Variants in RBL1 observed in about 807,000 individuals in gnomAD.
RBL1 encodes RB transcriptional corepressor like 1.
In RBL1, 82 loss-of-function variants were observed where a neutral mutation model predicts 123.0. The observed-to-expected ratio is 0.67, with a 90% CI of 0.56 to 0.80. The LOEUF is 0.80. RBL1 is among the 30% of genes least tolerant of loss of function. RBL1 has a pLI of 0.00. For synonymous variants in RBL1, 405 were observed against 441.3 expected (o/e 0.92, Z 1.03); for missense variants, 1,171 against 1,299.6 (o/e 0.90, Z 1.52).
Position 37,047,096 on chromosome 20 carries a change from C to T in RBL1, c.1562G>A (p.Trp521Ter). ...TTGCAAGTTGAGAACTTCAATAATCCAAGGAAAAGTACGAGGTGAGCTATA... is the reference window on the plus strand; with the variant it reads ...TTGCAAGTTGAGAACTTCAATAATCTAAGGAAAAGTACGAGGTGAGCTATA... ...FAYSSPRTFP[W>*]IIEVLNLQPF... The change falls in exon 12 of 22, where the codon TGG becomes TAG. Residue 521 changes from tryptophan to a stop codon, truncating the protein, a stop_gained. Coordinates refer to ENST00000373664, the MANE Select transcript of RBL1 (RefSeq NM_002895.5). LOFTEE classifies it high-confidence loss of function. The T allele has an allele frequency of 6.3e-7, 1 of 1,597,286 alleles. No homozygotes were observed. The highest frequency in any genetic ancestry group is 8.5e-7 in the Non-Finnish European group (1 of 1,176,326).
At chr20:37,062,018 G>T in intron 8 of RBL1, 66 bp downstream of exon 8, 1 of 1,418,590 alleles carries the variant, frequency 7.0e-7, no homozygotes. Context: ...TGCTTCTGCT[G>T]TTAGTAGAAT....
At chr20:37,000,504 C>A (rs559001806) in intron 21 of RBL1, among the ~76,000 whole-genome samples, 46 of 134,294 alleles carry the variant, frequency 3.4e-4, no homozygotes, top group South Asian at 2.0e-3. Flanking sequence ...CCGCCCCGTC[C>A]GGGAGGTGAG....
chr20:37,011,833 A>C (rs939394659), intron 19 of RBL1, among the ~76,000 whole-genome samples: 1 of 152,214 alleles, frequency 6.6e-6, no homozygotes, highest in Non-Finnish European at 1.5e-5. Flanking sequence ...ATTTAAGATA[A>C]GCAGATTGGT....
At chr20:37,063,852 T>C (rs1265631938) in intron 7 of RBL1, among the ~76,000 whole-genome samples, 1 of 149,570 alleles carries the variant, frequency 6.7e-6, no homozygotes, top group Non-Finnish European at 1.5e-5. Flanking sequence ...AAATAGGGTC[T>C]CACTCCGTCA....
chr20:37,094,439 T>C (rs981202137), intron 1 of RBL1, among the ~76,000 whole-genome samples: 1 of 152,178 alleles, frequency 6.6e-6, no homozygotes. Flanking sequence ...CCTTCATATA[T>C]AGGCACACAT....
chr20:37,007,376 C>T, intron 20 of RBL1, 35 bp downstream of exon 20: 1 of 1,593,408 alleles, frequency 6.3e-7, no homozygotes, highest in South Asian at 1.1e-5. Context: ...ACTATGACAG[C>T]AAATAATAAT....
At chr20:37,070,111 T>C (rs1388345334) in intron 2 of RBL1, among the ~76,000 whole-genome samples, 1 of 152,200 alleles carries the variant, frequency 6.6e-6, no homozygotes, top group Non-Finnish European at 1.5e-5. Context: ...GACTTTTCAT[T>C]TTGTTCTGTA....
At chr20:37,032,403 C>A (rs2064527442) in intron 16 of RBL1, among the ~76,000 whole-genome samples, 1 of 151,842 alleles carries the variant, frequency 6.6e-6, no homozygotes, top group Non-Finnish European at 1.5e-5. Flanking sequence ...ATAGTAGTTG[C>A]CAGAAGCTGG....
In RBL1 at chr20:37,062,324, T is replaced by C. The variant is rs538189506; in HGVS notation, c.897-54A>G. 1.5e-4 allele frequency: 228 copies of C among 1,570,626 alleles called. 1 individual carries two copies. The South Asian group carries it at 2.5e-3, about 18-fold the overall frequency. ...TACTAAGTTACACAATGGATTTATT[T>C]TGACTTGAAGATAGATTTAGTGTTT... is the stretch of plus-strand genomic sequence containing the variant. On this transcript the variant is annotated intron_variant, in intron 7 of 21. Transcript: ENST00000373664.
intron 19 of RBL1, among the ~76,000 whole-genome samples, chr20:37,011,967 A>G (rs192746809): frequency 6.6e-6 from 1 of 151,882 alleles, no homozygotes; most frequent in Non-Finnish European, 1.5e-5. Context: ...GCTCACTGCA[A>G]CCTCCCTGCC....
At chr20:37,074,416 A>G (rs965216370) in intron 2 of RBL1, among the ~76,000 whole-genome samples, 1 of 129,230 alleles carries the variant, frequency 7.7e-6, no homozygotes. Context: ...CCTGTCTCAG[A>G]AAAAAAAAAA....
At chr20:37,061,356 A>G (rs1259089858) in intron 8 of RBL1, 87 bp from the exon 9 acceptor site, 10 of 1,449,286 alleles carry the variant, frequency 6.9e-6, no homozygotes, top group Non-Finnish European at 4.6e-6. Context: ...CATCTTCTCT[A>G]TTCATATTTG....
chr20:37,062,780 C>G (rs1428648196), intron 7 of RBL1, among the ~76,000 whole-genome samples: 1 of 151,142 alleles, frequency 6.6e-6, no homozygotes, highest in Non-Finnish European at 1.5e-5. Flanking sequence ...ACGGTGAAAC[C>G]CCATCTCTAC....
chr20:37,061,183 G>A lies in RBL1; in HGVS notation c.1170C>T (p.Ala390=), dbSNP rs142836761. 2.5e-6 allele frequency: 4 copies of A among 1,613,876 alleles called. No individual in the cohort carries two copies. The highest frequency in any genetic ancestry group is 3.4e-6 in the Non-Finnish European group (4 of 1,179,946). The change falls in exon 9 of 22, where the codon GCC becomes GCT. Residue 390 remains alanine (A), a synonymous_variant. Coordinates refer to ENST00000373664, the MANE Select transcript of RBL1 (RefSeq NM_002895.5). ...TCTGTAACCGGCTCACACTTTGGGT[G>A]GCTGATGCAACAGGAGTAATGACTG... ...KEAVITPVAS[A]TQSVSRLQSI...
chr20:37,049,554 T>G, intron 11 of RBL1: 3 of 756,512 alleles, frequency 4.0e-6, no homozygotes, highest in Non-Finnish European at 7.3e-6. Context: ...TCCTGAAATA[T>G]TATAAGGTAG....
chr20:37,045,253 C>G (rs983687813), intron 12 of RBL1, among the ~76,000 whole-genome samples: 1 of 151,942 alleles, frequency 6.6e-6, no homozygotes, highest in African/African-American at 2.4e-5. Context: ...ACTACAGGCA[C>G]GTGCCCCCAT....
At chr20:37,023,964 G>A (rs189093473) in intron 16 of RBL1, among the ~76,000 whole-genome samples, 4 of 149,312 alleles carry the variant, frequency 2.7e-5, no homozygotes, top group Admixed American at 2.7e-4. Context: ...TTTTGTATTT[G>A]AGTAGAGATG....
chr20:37,046,927 T>A, intron 12 of RBL1, 126 bp downstream of exon 12: 4 of 1,335,948 alleles, frequency 3.0e-6, no homozygotes, highest in Non-Finnish European at 3.8e-6. Flanking sequence ...ATATATATTT[T>A]CAGAACACAT....
rs747875942 is a variant in RBL1, at chr20:37,018,283, A to G, written c.2718T>C (p.Asp906=). The change falls in exon 19 of 22, where the codon GAT becomes GAC. Residue 906 remains aspartate (D), a synonymous_variant. Coordinates refer to ENST00000373664, the MANE Select transcript of RBL1 (RefSeq NM_002895.5). ...KNINDDFEMI[D]CDLEDATKTP... is the part of the protein sequence containing the mutation. ...ATGTTAAATTGGATAACTTACCACA[A>G]TCTATCATTTCAAAGTCATCATTTA... is the stretch of plus-strand genomic sequence containing the variant. 6.2e-7 allele frequency: 1 copy of G among 1,608,648 alleles called. No individual in the cohort carries two copies. The highest frequency in any genetic ancestry group is 8.5e-7 in the Non-Finnish European group (1 of 1,178,130).
Sources: gnomAD v4.1 joint callset for allele counts (sites outside exome capture counted in the v4.1 genomes callset) on GRCh38, gnomAD v4.1.1 for gene constraint, MANE v1.5 for transcripts, NCBI Gene and HGNC (gene_info 2026-07-23, HGNC 2026-07-21) for gene names.